PDE8B: variants seen among roughly 807,000 people sequenced by gnomAD.
The protein encoded by PDE8B is high affinity cAMP-specific and IBMX-insensitive 3',5'-cyclic phosphodiesterase 8B.
Under a neutral mutation model 101.3 loss-of-function variants are expected in PDE8B, and 26 were observed. That is an observed-to-expected ratio of 0.26 (90% CI 0.19 to 0.36). The LOEUF (loss-of-function observed/expected upper bound fraction) is 0.36, where lower values mean the gene tolerates loss of function less well. Among genes scored for constraint, PDE8B ranks in the 10% least tolerant of loss-of-function variants. The probability of loss-of-function intolerance (pLI) is 1.00; values close to 1 mark genes in which losing one functional copy is unlikely to be tolerated. For missense variants in PDE8B, 810 were observed against 1,163.1 expected (o/e 0.70, Z 4.42); for synonymous variants, 424 against 429.3 (o/e 0.99, Z 0.15).
chr5:77,363,565 A>T (rs1393104845), intron 10 of PDE8B, among the ~76,000 whole-genome samples: 2 of 152,068 alleles, frequency 1.3e-5, no homozygotes, highest in Admixed American at 1.3e-4. Context: ...TACAAAAAGT[A>T]GCTGGGCATG....
chr5:77,194,066 T>C, the PDE8B span, among the ~76,000 whole-genome samples: 5 of 152,220 alleles, frequency 3.3e-5, no homozygotes, highest in Non-Finnish European at 7.3e-5. Context: ...TGTACAATTA[T>C]GTTGTCTGTG....
chr5:77,314,247 G>T (rs75679725), intron 2 of PDE8B, among the ~76,000 whole-genome samples: 1 of 152,048 alleles, frequency 6.6e-6, no homozygotes, highest in Non-Finnish European at 1.5e-5. Flanking sequence ...TGATTTATAT[G>T]TCTGTCCTTA....
At chr5:77,188,756 G>T in the PDE8B span, among the ~76,000 whole-genome samples, 40 of 152,326 alleles carry the variant, frequency 2.6e-4, no homozygotes, top group Non-Finnish European at 5.1e-4. Context: ...ATGTAATATT[G>T]TCTAGGACAT....
At chr5:77,296,799 G>A (rs941762961) in intron 1 of PDE8B, among the ~76,000 whole-genome samples, 2 of 152,182 alleles carry the variant, frequency 1.3e-5, no homozygotes, top group African/African-American at 4.8e-5. Flanking sequence ...GGTTCTGGGA[G>A]AATCTGCTTG....
chr5:77,161,382 TC>T, the PDE8B span, among the ~76,000 whole-genome samples: 2 of 152,206 alleles, frequency 1.3e-5, no homozygotes, highest in Non-Finnish European at 2.9e-5. Flanking sequence ...TGTATAGTTT[TC>T]CATTGTATGA....
upstream of PDE8B, among the ~76,000 whole-genome samples, chr5:77,207,565 T>A (rs1333225519): frequency 3.3e-5 from 5 of 152,226 alleles, no homozygotes; most frequent in Non-Finnish European, 7.3e-5. Flanking sequence ...TTTCTGGCCT[T>A]ATTCTGTAAC....
chr5:77,275,378 A>C (rs535838138), intron 1 of PDE8B, among the ~76,000 whole-genome samples: 1 of 124,828 alleles, frequency 8.0e-6, no homozygotes, highest in East Asian at 2.5e-4. Flanking sequence ...TTTCCTTCCC[A>C]AAAAGAGGAC....
chr5:77,316,433 C>T (rs934239047), intron 2 of PDE8B, among the ~76,000 whole-genome samples: 3 of 152,138 alleles, frequency 2.0e-5, no homozygotes, highest in African/African-American at 7.2e-5. Context: ...GGGGTTTCAC[C>T]ATATTGGCCA....
chr5:77,291,256 G>A (rs1282391200), intron 1 of PDE8B: 24 of 1,612,510 alleles, frequency 1.5e-5, no homozygotes, highest in Middle Eastern at 1.7e-4. Context: ...GCACAGATCC[G>A]AGTTGGGAAC....
chr5:77,239,212 G>C (rs921127679), intron 1 of PDE8B, among the ~76,000 whole-genome samples: 1 of 152,138 alleles, frequency 6.6e-6, no homozygotes, highest in Non-Finnish European at 1.5e-5. Flanking sequence ...GTTTTAGCAG[G>C]GAATCAACCC....
intron 10 of PDE8B, among the ~76,000 whole-genome samples, chr5:77,394,560 G>A (rs999484991): frequency 5.9e-5 from 9 of 152,158 alleles, no homozygotes; most frequent in Non-Finnish European, 1.0e-4. Flanking sequence ...GGCTCAGGCA[G>A]TCTTATTCCC....
chr5:77,233,693 T>TGC (rs1405022837), intron 1 of PDE8B, among the ~76,000 whole-genome samples: 1 of 150,266 alleles, frequency 6.7e-6, no homozygotes, highest in African/African-American at 2.5e-5. Flanking sequence ...TGTGTGTGTG[T>TGC]GTGTGTGCAG....
intron 1 of PDE8B, among the ~76,000 whole-genome samples, chr5:77,249,587 C>G (rs908932253): frequency 1.3e-5 from 2 of 152,196 alleles, no homozygotes; most frequent in Non-Finnish European, 2.9e-5. Context: ...TTGTCTTTGT[C>G]CTTAATTTAC....
At chr5:77,321,956 C>T (rs1242338362) in intron 2 of PDE8B, among the ~76,000 whole-genome samples, 2 of 152,112 alleles carry the variant, frequency 1.3e-5, no homozygotes, top group East Asian at 1.9e-4. Context: ...CAGCATGCCA[C>T]CCAGGGCCAC....
chr5:77,313,649 T>G (rs1349331414), intron 2 of PDE8B, among the ~76,000 whole-genome samples: 2 of 152,228 alleles, frequency 1.3e-5, no homozygotes, highest in African/African-American at 2.4e-5. Context: ...TTGTCAAATG[T>G]TAAAATATTT....
At chr5:77,390,950 C>T (rs890148224) in intron 10 of PDE8B, among the ~76,000 whole-genome samples, 2 of 152,176 alleles carry the variant, frequency 1.3e-5, no homozygotes, top group Non-Finnish European at 2.9e-5. Flanking sequence ...GCAAGAGTGC[C>T]ATCATGATTA....
chr5:77,232,737 G>A (rs562759144), intron 1 of PDE8B, among the ~76,000 whole-genome samples: 1 of 152,304 alleles, frequency 6.6e-6, no homozygotes, highest in Admixed American at 6.5e-5. Flanking sequence ...GGGTTGCTAG[G>A]AAATGATTTT....
At chr5:77,383,111 C>T (rs1397039224) in intron 10 of PDE8B, among the ~76,000 whole-genome samples, 1 of 152,184 alleles carries the variant, frequency 6.6e-6, no homozygotes, top group Non-Finnish European at 1.5e-5. Context: ...TGTTTCCTGA[C>T]TTTTTGATGA....
the PDE8B span, chr5:77,113,458 C>T: frequency 2.0e-5 from 3 of 152,170 alleles, no homozygotes; most frequent in Non-Finnish European, 4.4e-5. Context: ...ACTGGCTAGC[C>T]TTATGTAGAA....
Sources: allele counts gnomAD v4.1 joint callset (sites outside exome capture counted in the v4.1 genomes callset), GRCh38; gene constraint gnomAD v4.1.1; transcripts MANE v1.5; gene names NCBI Gene and HGNC (gene_info 2026-07-23, HGNC 2026-07-21).